Variants in TMTC2 observed in about 807,000 individuals in gnomAD.
The protein encoded by TMTC2 is transmembrane O-mannosyltransferase targeting cadherins 2, also known as protein O-mannosyl-transferase TMTC2.
In TMTC2, 43 loss-of-function variants were observed where a neutral mutation model predicts 82.4. The observed-to-expected ratio is 0.52, with a 90% CI of 0.41 to 0.67. The LOEUF (loss-of-function observed/expected upper bound fraction) is 0.67, where lower values mean the gene tolerates loss of function less well. Among genes scored for constraint, TMTC2 ranks in the 30% least tolerant of loss-of-function variants. TMTC2 has a pLI of 0.00. For missense variants in TMTC2, 919 were observed against 1,012.4 expected, an observed-to-expected ratio of 0.91 and a Z score of 1.25; for synonymous variants, 408 against 381.9, an observed-to-expected ratio of 1.07 and a Z score of -0.80.
rs1193351593 is a variant in TMTC2 at position 82,852,397 on chromosome 12, G to A, written c.84-4613G>A. Reference sequence around the variant, plus strand: ...GCTGTGATTACAGGCGTGAGCCACCGCGCCCGGCCAGAGACTATCTTTTTG... The same window carrying A: ...GCTGTGATTACAGGCGTGAGCCACCACGCCCGGCCAGAGACTATCTTTTTG... On this transcript the variant is annotated intron_variant, in intron 1 of 11. Coordinates refer to ENST00000321196, the MANE Select transcript of TMTC2 (RefSeq NM_152588.3). Among the ~76,000 whole-genome samples, 6 of 152,084 alleles carry A rather than the reference G, an allele frequency of 3.9e-5. No individual in the cohort carries two copies. The East Asian group carries it at 5.8e-4, about 15-fold the overall frequency.
intron 2 of TMTC2, among the ~76,000 whole-genome samples, chr12:82,876,163 GTAGTGT>G (rs1872564182): frequency 7.1e-6 from 1 of 140,140 alleles, no homozygotes; most frequent in African/African-American, 3.1e-5. Flanking sequence ...GGTAGTGGTG[GTAGTGT>G]TGTTGATCGG....
chr12:83,022,012 C>G (rs1880952778), intron 8 of TMTC2: 1 of 151,772 alleles, frequency 6.6e-6, no homozygotes, highest in Admixed American at 6.6e-5. Context: ...AGAGGCTGTT[C>G]AACCCTTTCT....
intron 1 of TMTC2, among the ~76,000 whole-genome samples, chr12:82,738,345 C>G (rs1323252843): frequency 3.3e-5 from 5 of 152,070 alleles, no homozygotes; most frequent in African/African-American, 4.8e-5. Context: ...TTGATCAGAC[C>G]TCTTTTCCTT....
rs1017227458 is a variant in TMTC2 at position 83,087,720 on chromosome 12, G to A, written c.2331+25889G>A. ...ATCTTTTTATCTGAGCAGTAGGTCT[G>A]AACAGTGCACTTAAAATATTCAGTA... On this transcript the variant is annotated intron_variant, in intron 11 of 11. Coordinates refer to ENST00000321196, the MANE Select transcript of TMTC2 (RefSeq NM_152588.3). Among the ~76,000 whole-genome samples, 87 of 152,212 alleles carry A rather than the reference G, an allele frequency of 5.7e-4. 1 individual carries two copies. The highest frequency in any genetic ancestry group is 1.8e-3 in the African/African-American group (74 of 41,460).
intron 8 of TMTC2, among the ~76,000 whole-genome samples, chr12:83,027,075 A>G (rs1426804274): frequency 6.6e-6 from 1 of 152,020 alleles, no homozygotes; most frequent in Non-Finnish European, 1.5e-5. Context: ...GTTGTTTTTA[A>G]TACTCAATAC....
intron 1 of TMTC2, among the ~76,000 whole-genome samples, chr12:82,819,148 C>T (rs1868928490): frequency 6.6e-6 from 1 of 151,896 alleles, no homozygotes; most frequent in East Asian, 1.9e-4. Flanking sequence ...TGCAGTATGC[C>T]TCAGAAATGA....
intron 1 of TMTC2, among the ~76,000 whole-genome samples, chr12:82,750,778 A>G (rs1280099356): frequency 6.6e-6 from 1 of 152,188 alleles, no homozygotes; most frequent in Non-Finnish European, 1.5e-5. Flanking sequence ...TATAAGCTGT[A>G]TGAGTGTTAT....
At chr12:83,063,130 A>G (rs905850818) in intron 11 of TMTC2, among the ~76,000 whole-genome samples, 1 of 151,804 alleles carries the variant, frequency 6.6e-6, no homozygotes, top group African/African-American at 2.4e-5. Flanking sequence ...ACAAAAGGTT[A>G]TGATCTCATG....
At chr12:82,852,101 CT>C (rs11301265) in intron 1 of TMTC2, among the ~76,000 whole-genome samples, 27,299 of 136,976 alleles carry the variant, frequency 0.2, 5,902 homozygotes, top group African/African-American at 0.57. Flanking sequence ...CAGAAACTAT[CT>C]TTTTTTTTTT....
intron 4 of TMTC2, among the ~76,000 whole-genome samples, chr12:82,943,948 A>G (rs1876855608): frequency 6.6e-6 from 1 of 152,224 alleles, no homozygotes; most frequent in Admixed American, 6.5e-5. Flanking sequence ...TATCGTGACA[A>G]GGTATACAAA....
At chr12:83,064,752 G>A (rs558442404) in intron 11 of TMTC2, among the ~76,000 whole-genome samples, 3 of 151,838 alleles carry the variant, frequency 2.0e-5, no homozygotes, top group Admixed American at 6.6e-5. Context: ...AACAATAACC[G>A]TGTAATGATT....
intron 1 of TMTC2, among the ~76,000 whole-genome samples, chr12:82,740,207 T>C (rs1033223879): frequency 2.0e-5 from 3 of 152,182 alleles, no homozygotes; most frequent in Non-Finnish European, 2.9e-5. Flanking sequence ...GGGAAATAAA[T>C]CTTTGCCTCT....
At chr12:82,721,194 A>G (rs1874189070) in intron 1 of TMTC2, among the ~76,000 whole-genome samples, 4 of 152,188 alleles carry the variant, frequency 2.6e-5, no homozygotes, top group African/African-American at 4.8e-5. Context: ...AGTTTCTGGT[A>G]AATAAAAGTT....
At chr12:82,835,621 T>G (rs1036137976) in intron 1 of TMTC2, among the ~76,000 whole-genome samples, 1 of 152,218 alleles carries the variant, frequency 6.6e-6, no homozygotes, top group Non-Finnish European at 1.5e-5. Context: ...ATCAACATTT[T>G]TTTCTTAAAT....
Position 82,687,330 on chromosome 12 carries a change from C to G in TMTC2, c.-257C>G, listed in dbSNP as rs1872360066. On this transcript the variant is annotated 5_prime_UTR_variant, in exon 1 of 12. Transcript: ENST00000321196. ...GGGGACGCGGAGCCCAAACGCCGCT[C>G]ACCGCTTGCGGGCGCCGGGCATGGG... is the stretch of plus-strand genomic sequence containing the variant. 1.8e-6 allele frequency: 1 copy of G among 542,730 alleles called. No individual in the cohort carries two copies. Among genetic ancestry groups the G allele is most frequent in the South Asian group, 2.1e-5 (1 of 47,460 alleles). The allele number at this position is 542,730 out of a possible 1,614,324, so 33.6% of individuals were successfully genotyped here.
At chr12:83,054,040 T>G (rs1433437331) in intron 10 of TMTC2, among the ~76,000 whole-genome samples, 1 of 152,080 alleles carries the variant, frequency 6.6e-6, no homozygotes, top group Non-Finnish European at 1.5e-5. Flanking sequence ...TATGTGAATG[T>G]GATGTATGGC....
intron 8 of TMTC2, among the ~76,000 whole-genome samples, chr12:83,010,587 C>T (rs1399360777): frequency 6.6e-6 from 1 of 152,048 alleles, no homozygotes. Context: ...GCTATGGCAC[C>T]CAAATAAAGC....
chr12:82,719,059 T>TTTTATATATATATATATATATATA (rs1874040088), intron 1 of TMTC2, among the ~76,000 whole-genome samples: 2 of 94,468 alleles, frequency 2.1e-5, no homozygotes, highest in African/African-American at 9.3e-5. Context: ...TTAGATGATT[T>TTTTATATATATATATATATATATA]TATATATATA....
In TMTC2 at chr12:82,937,772, A is replaced by ATGTG. The variant is rs1565818367; in HGVS notation, c.1598+7228_1598+7229insGTGT. The stretch of plus-strand genomic sequence containing the variant: ...TGTGTATATATATATATATATATAT[A>ATGTG]TATATATATATATATATATATATAC... On this transcript the variant is annotated intron_variant, in intron 4 of 11. Coordinates refer to ENST00000321196, the MANE Select transcript of TMTC2 (RefSeq NM_152588.3). 6.6e-4 allele frequency among the ~76,000 whole-genome samples: 15 copies of ATGTG among 22,716 alleles called. 1 individual carries two copies. Among genetic ancestry groups the ATGTG allele is most frequent in the Admixed American group, 1.6e-3 (3 of 1,880 alleles). The allele number at this position is 22,716 out of a possible 152,430, so 14.9% of individuals were successfully genotyped here.
Sources: allele counts gnomAD v4.1 joint callset (sites outside exome capture counted in the v4.1 genomes callset), GRCh38; gene constraint gnomAD v4.1.1; transcripts MANE v1.5; gene names NCBI Gene and HGNC (gene_info 2026-07-23, HGNC 2026-07-21).